GLG1: variants seen among roughly 807,000 people sequenced by gnomAD.
GLG1 encodes Golgi apparatus protein 1.
GLG1 carries 38 observed loss-of-function variants against 160.5 expected under a neutral mutation model. That is an observed-to-expected ratio of 0.24 (90% CI 0.18 to 0.31). The LOEUF is 0.31. Among genes scored for constraint, GLG1 ranks in the 10% least tolerant of loss-of-function variants. The pLI is 1.00. For missense variants in GLG1, 1,373 were observed against 1,505.2 expected (o/e 0.91, Z 1.45); for synonymous variants, 644 against 543.4 (o/e 1.19, Z -2.57).
intron 2 of GLG1, among the ~76,000 whole-genome samples, chr16:74,526,648 T>C (rs2550819): frequency 4.6e-5 from 7 of 152,326 alleles, no homozygotes; most frequent in South Asian, 2.1e-4. Context: ...CACTTGAGCC[T>C]GGGAGACTGA....
intron 1 of GLG1, among the ~76,000 whole-genome samples, chr16:74,535,334 G>A (rs1305293822): frequency 1.3e-5 from 2 of 152,266 alleles, no homozygotes; most frequent in Non-Finnish European, 2.9e-5. Flanking sequence ...CATAATCCAT[G>A]GAGACACAAA....
At chr16:74,546,517 C>T (rs2018050379) in intron 1 of GLG1, among the ~76,000 whole-genome samples, 1 of 151,996 alleles carries the variant, frequency 6.6e-6, no homozygotes, top group Non-Finnish European at 1.5e-5. Context: ...AGGCCATAAA[C>T]AAAGGTAAGA....
In GLG1 at chr16:74,494,897, A is replaced by G. The variant is rs2016130732; in HGVS notation, c.979-66T>C. On this transcript the variant is annotated intron_variant, in intron 5 of 25. Coordinates refer to ENST00000422840, the MANE Select transcript of GLG1 (RefSeq NM_001145667.2). Reference sequence around the variant, plus strand: ...ATAGTTATGCTGAACATTATCCACAATCTCATATAGAGCTTTCTATTAAAC... The same window carrying G: ...ATAGTTATGCTGAACATTATCCACAGTCTCATATAGAGCTTTCTATTAAAC... The G allele has an allele frequency of 6.2e-6, 5 of 809,484 alleles. No individual in the cohort carries two copies. The Admixed American group carries it at 7.0e-5, about 11-fold the overall frequency. 50.1% of individuals were successfully genotyped at this position (809,484 alleles called of 1,614,324 possible). A position where few individuals can be genotyped will look rare whatever the true frequency, so the allele number is the denominator to read the frequency against.
intron 18 of GLG1, among the ~76,000 whole-genome samples, chr16:74,466,771 G>C (rs781461741): frequency 5.3e-5 from 8 of 152,200 alleles, no homozygotes; most frequent in African/African-American, 1.9e-4. Flanking sequence ...TCCTGGAGCA[G>C]AATGGACAAA....
intron 1 of GLG1, among the ~76,000 whole-genome samples, chr16:74,570,703 T>C (rs1003155482): frequency 8.5e-5 from 13 of 152,108 alleles, no homozygotes; most frequent in Admixed American, 3.3e-4. Context: ...TGAGACCAGC[T>C]TGGTCAACAT....
At chr16:74,566,642 T>C (rs2018661893) in intron 1 of GLG1, among the ~76,000 whole-genome samples, 1 of 152,176 alleles carries the variant, frequency 6.6e-6, no homozygotes, top group African/African-American at 2.4e-5. Context: ...TCCATGCCTA[T>C]TCTGTTGTAA....
chr16:74,564,176 T>G (rs994216166), intron 1 of GLG1, among the ~76,000 whole-genome samples: 6 of 152,168 alleles, frequency 3.9e-5, no homozygotes, highest in Non-Finnish European at 8.8e-5. Flanking sequence ...GCTTCGGCCT[T>G]CCAAAATGCT....
At chr16:74,531,499 T>G (rs1017471642) in intron 2 of GLG1, among the ~76,000 whole-genome samples, 4 of 150,736 alleles carry the variant, frequency 2.7e-5, no homozygotes, top group Non-Finnish European at 4.4e-5. Context: ...TTGTTTTTTG[T>G]TTTTTTTTAG....
chr16:74,501,285 G>A (rs935245991), intron 4 of GLG1, among the ~76,000 whole-genome samples: 1 of 152,200 alleles, frequency 6.6e-6, no homozygotes, highest in African/African-American at 2.4e-5. Context: ...TCATGTGTGA[G>A]TCTATCTCAC....
chr16:74,544,433 G>A (rs565000458), intron 1 of GLG1, among the ~76,000 whole-genome samples: 3 of 151,924 alleles, frequency 2.0e-5, no homozygotes, highest in Non-Finnish European at 2.9e-5. Context: ...CCTGCTTCGT[G>A]TGAGAATCTC....
At chr16:74,481,674 T>C (rs1341748602) in intron 10 of GLG1, among the ~76,000 whole-genome samples, 1 of 152,142 alleles carries the variant, frequency 6.6e-6, no homozygotes, top group Non-Finnish European at 1.5e-5. Context: ...CTAGAAAAAG[T>C]ATGTGGGCAA....
intron 1 of GLG1, among the ~76,000 whole-genome samples, chr16:74,571,059 T>C (rs914251476): frequency 6.6e-6 from 1 of 151,914 alleles, no homozygotes; most frequent in African/African-American, 2.4e-5. Flanking sequence ...AAATGTGACA[T>C]CAGAGGACTG....
intron 1 of GLG1, among the ~76,000 whole-genome samples, chr16:74,564,256 T>C (rs1304461920): frequency 6.6e-6 from 1 of 152,172 alleles, no homozygotes; most frequent in East Asian, 1.9e-4. Flanking sequence ...ATGAATATAC[T>C]GGATATTACA....
chr16:74,534,817 T>A (rs1441961555), intron 1 of GLG1, among the ~76,000 whole-genome samples: 1 of 152,202 alleles, frequency 6.6e-6, no homozygotes. Flanking sequence ...CAGTCCACAT[T>A]TGCAGTTAAT....
intron 1 of GLG1, among the ~76,000 whole-genome samples, chr16:74,534,766 G>A (rs1597320241): frequency 6.6e-6 from 1 of 152,068 alleles, no homozygotes; most frequent in African/African-American, 2.4e-5. Flanking sequence ...CGCTGACGTT[G>A]AGCAAATCAA....
chr16:74,523,431 G>C, intron 2 of GLG1, among the ~76,000 whole-genome samples: 1 of 152,142 alleles, frequency 6.6e-6, no homozygotes, highest in East Asian at 1.9e-4. Flanking sequence ...GCTGTTACAG[G>C]TACTCTGTGT....
At chr16:74,462,801 AAT>A (rs1313357079) in intron 20 of GLG1, 171 bp from the exon 21 acceptor site, 1 of 647,960 alleles carries the variant, frequency 1.5e-6, no homozygotes, top group East Asian at 2.8e-5. Flanking sequence ...TTTAATCAGC[AAT>A]ATGACTTGTT....
At chr16:74,500,786 T>A (rs1235108195) in intron 4 of GLG1, among the ~76,000 whole-genome samples, 1 of 152,240 alleles carries the variant, frequency 6.6e-6, no homozygotes, top group Non-Finnish European at 1.5e-5. Flanking sequence ...TTTCTTCAGA[T>A]GATGTAAATC....
At chr16:74,463,642 G>A (rs1361894285) in intron 19 of GLG1, among the ~76,000 whole-genome samples, 163 bp from the exon 20 acceptor site, 1 of 152,054 alleles carries the variant, frequency 6.6e-6, no homozygotes, top group Admixed American at 6.6e-5. Flanking sequence ...GAGTTCAAGC[G>A]ATTCTCCTGC....
Sources: allele counts gnomAD v4.1 joint callset (sites outside exome capture counted in the v4.1 genomes callset), GRCh38; gene constraint gnomAD v4.1.1; transcripts MANE v1.5; gene names NCBI Gene and HGNC (gene_info 2026-07-23, HGNC 2026-07-21).